ATAD2B: variants seen among roughly 807,000 people sequenced by gnomAD.
ATAD2B encodes ATPase family AAA domain-containing protein 2B.
ATAD2B carries 40 observed loss-of-function variants against 167.6 expected under a neutral mutation model. The observed-to-expected ratio is 0.24, with a 90% confidence interval of 0.19 to 0.31. ATAD2B has a LOEUF of 0.31. Among genes scored for constraint, ATAD2B ranks in the 10% least tolerant of loss-of-function variants. The pLI, the probability that ATAD2B is intolerant of heterozygous loss-of-function variation, is 1.00. For synonymous variants in ATAD2B, 579 were observed against 596.5 expected (o/e 0.97, Z 0.43); for missense variants, 1,242 against 1,757.2 (o/e 0.71, Z 5.24).
chr2:23,798,266 C>G lies in ATAD2B; in HGVS notation c.2512G>C (p.Asp838His). The change falls in exon 19 of 28, where the codon GAT becomes CAT. Residue 838 changes from aspartate (D) to histidine (H), a missense_variant. This residue lies in a region of ATAD2B where 34 missense variants were observed against 101.1 expected (regional missense o/e 0.34). Coordinates refer to ENST00000238789, the MANE Select transcript of ATAD2B (RefSeq NM_017552.4). Reference protein sequence around the residue: ...PSIVYMPHIGDWWEAVSETVR... With the variant: ...PSIVYMPHIGHWWEAVSETVR... Reference sequence around the variant, plus strand: ...GTTTCACTGACAGCTTCCCACCAATCCCCAATGTGAGGCATGTAAACAATA... The same window carrying G: ...GTTTCACTGACAGCTTCCCACCAATGCCCAATGTGAGGCATGTAAACAATA... The G allele has an allele frequency of 5.6e-6, 9 of 1,613,076 alleles. No individual in the cohort carries two copies. The highest frequency in any genetic ancestry group is 7.6e-6 in the Non-Finnish European group (9 of 1,179,362).
the ATAD2B span, chr2:23,703,895 GGACGGAGGAGTGGGAGGAGGAGGGGTGT>G: frequency 1.3e-6 from 2 of 1,523,244 alleles, no homozygotes; most frequent in Non-Finnish European, 1.8e-6. Context: ...ACTAGGGCTG[GGACGGAGGAGTGGGAGGAGGAGGGGTGT>G]GACCACAATG....
At chr2:23,880,891 C>A in intron 6 of ATAD2B, 136 bp from the exon 7 acceptor site, 2 of 602,514 alleles carry the variant, frequency 3.3e-6, no homozygotes, top group Admixed American at 3.3e-5. Context: ...CAACATATTA[C>A]GTAAAGCATA....
chr2:23,777,655 G>T (rs1029905053), intron 22 of ATAD2B, among the ~76,000 whole-genome samples: 1 of 152,030 alleles, frequency 6.6e-6, no homozygotes, highest in African/African-American at 2.4e-5. Context: ...AAAACATTAG[G>T]GCGAAAATTT....
intron 13 of ATAD2B, among the ~76,000 whole-genome samples, chr2:23,849,803 G>C (rs1692270853): frequency 6.6e-6 from 1 of 151,978 alleles, no homozygotes; most frequent in Admixed American, 6.6e-5. Flanking sequence ...CTCCAGCCTG[G>C]GCGACAGAGT....
rs1345456389 is a variant in ATAD2B, at chr2:23,749,250, G to C, written c.*2796C>G. The C allele has an allele frequency of 6.6e-6, 1 of 151,876 alleles. No homozygotes were observed. The highest frequency in any genetic ancestry group is 1.9e-4 in the East Asian group (1 of 5,184). The allele number at this position is 151,876 out of a possible 1,614,324, so 9.4% of individuals were successfully genotyped here. ...AGCCATCAGTTTCAACCCTAGTGCG[G>C]TTCCATCATCTTCAAAAAGCCCCCA... On this transcript the variant is annotated 3_prime_UTR_variant, in exon 28 of 28. Transcript: ENST00000238789.
the ATAD2B span, among the ~76,000 whole-genome samples, chr2:23,683,574 T>C: frequency 6.6e-6 from 1 of 152,208 alleles, no homozygotes; most frequent in Non-Finnish European, 1.5e-5. Context: ...CTGGAGCCCA[T>C]GGGCCCGGGC....
At chr2:23,773,887 T>C (rs1431740888) in intron 22 of ATAD2B, among the ~76,000 whole-genome samples, 1 of 152,158 alleles carries the variant, frequency 6.6e-6, no homozygotes, top group Non-Finnish European at 1.5e-5. Flanking sequence ...ACCACTTACA[T>C]TTGTCTTCAG....
At chr2:23,832,071 T>C (rs538614324) in intron 14 of ATAD2B, 172 of 336,558 alleles carry the variant, frequency 5.1e-4, no homozygotes, top group African/African-American at 3.4e-3. Flanking sequence ...TACATCATGA[T>C]AAATACAATG....
intron 2 of ATAD2B, among the ~76,000 whole-genome samples, chr2:23,889,657 C>T (rs1278512003): frequency 2.6e-5 from 4 of 151,992 alleles, no homozygotes; most frequent in Non-Finnish European, 4.4e-5. Context: ...CGATGGCTCA[C>T]GCCTATAATC....
At chr2:23,916,354 C>T (rs1055093608) in intron 1 of ATAD2B, among the ~76,000 whole-genome samples, 50 of 152,110 alleles carry the variant, frequency 3.3e-4, no homozygotes, top group African/African-American at 1.2e-3. Context: ...TTTAATTTTC[C>T]ACATTTCTCT....
At chr2:23,905,696 T>C (rs1049784896) in intron 1 of ATAD2B, among the ~76,000 whole-genome samples, 1 of 152,250 alleles carries the variant, frequency 6.6e-6, no homozygotes, top group Non-Finnish European at 1.5e-5. Flanking sequence ...TGCCTCACAG[T>C]AGATACAATC....
chr2:23,712,957 C>T, the ATAD2B span, among the ~76,000 whole-genome samples: 1 of 152,160 alleles, frequency 6.6e-6, no homozygotes, highest in East Asian at 1.9e-4. Flanking sequence ...CCACCATGGG[C>T]CGCCTCACCC....
At chr2:23,869,050 C>T (rs1016786408) in intron 9 of ATAD2B, among the ~76,000 whole-genome samples, 17 of 152,128 alleles carry the variant, frequency 1.1e-4, no homozygotes, top group African/African-American at 3.9e-4. Context: ...TCTAACTGAT[C>T]CAAACTTGTT....
chr2:23,792,251 G>A (rs146114353), intron 19 of ATAD2B, among the ~76,000 whole-genome samples: 4 of 151,782 alleles, frequency 2.6e-5, no homozygotes, highest in Admixed American at 6.6e-5. Context: ...GTTTCACTAC[G>A]TTGGCCAGGA....
chr2:23,898,465 G>A (rs1384396611), intron 1 of ATAD2B, among the ~76,000 whole-genome samples: 2 of 152,042 alleles, frequency 1.3e-5, no homozygotes, highest in Non-Finnish European at 2.9e-5. Context: ...CATCTTTCCC[G>A]TCTTTCCAGA....
intron 6 of ATAD2B, among the ~76,000 whole-genome samples, chr2:23,884,432 T>C (rs766338943): frequency 6.6e-6 from 1 of 152,154 alleles, no homozygotes; most frequent in Non-Finnish European, 1.5e-5. Flanking sequence ...GCAAAGTAAC[T>C]ATCCAGTTAG....
intron 1 of ATAD2B, among the ~76,000 whole-genome samples, chr2:23,904,802 C>T (rs1280750793): frequency 9.2e-5 from 14 of 151,994 alleles, no homozygotes; most frequent in Non-Finnish European, 1.9e-4. Flanking sequence ...CCTGTTTTCA[C>T]AAGAAAGCTT....
In ATAD2B at chr2:23,875,899, C is replaced by G. The variant is rs1696748474; in HGVS notation, c.907G>C (p.Ala303Pro). ...GTGTTTTCCCTCTTTTTTTGATGAG[C>G]TGGTACTAAAAGGGAAGAAAAGGAT... is the stretch of plus-strand genomic sequence containing the variant. Reference protein sequence around the residue: ...DRYQAPPIVPAHQKKRENTLF... With the variant: ...DRYQAPPIVPPHQKKRENTLF... Residue 303 changes from alanine to proline, a missense_variant, in exon 8 of 28, where the codon GCT becomes CCT. This residue lies in a region of ATAD2B where 127 missense variants were observed against 146.3 expected (regional missense o/e 0.87). Transcript: ENST00000238789. The G allele has an allele frequency of 6.2e-7, 1 of 1,601,866 alleles. No homozygotes were observed. Among genetic ancestry groups the G allele is most frequent in the Non-Finnish European group, 8.5e-7 (1 of 1,172,012 alleles).
At chr2:23,900,515 A>G (rs1046516174) in intron 1 of ATAD2B, among the ~76,000 whole-genome samples, 2 of 152,252 alleles carry the variant, frequency 1.3e-5, no homozygotes, top group East Asian at 1.9e-4. Flanking sequence ...CAACATGGGC[A>G]TGATCTATTT....
Sources: gnomAD v4.1 joint callset for allele counts (sites outside exome capture counted in the v4.1 genomes callset) on GRCh38, gnomAD v4.1.1 for gene constraint, gnomAD v4.1.1 regional missense constraint, MANE v1.5 for transcripts, NCBI Gene and HGNC (gene_info 2026-07-23, HGNC 2026-07-21) for gene names.